FBXO16: variants seen among roughly 807,000 people sequenced by gnomAD.
FBXO16 encodes the protein F-box only protein 16.
In FBXO16, 31 loss-of-function variants were observed where a neutral mutation model predicts 41.0. The observed-to-expected ratio is 0.76, with a 90% CI of 0.57 to 1.02. The LOEUF is 1.02. FBXO16 is among the 50% of genes least tolerant of loss of function. The pLI, the probability that FBXO16 is intolerant of heterozygous loss-of-function variation, is 0.00. For synonymous variants in FBXO16, 133 were observed against 117.8 expected (o/e 1.13, Z -0.84); for missense variants, 361 against 346.2 (o/e 1.04, Z -0.34).
intron 2 of FBXO16, among the ~76,000 whole-genome samples, chr8:28,481,295 G>C (rs1456014424): frequency 6.6e-6 from 1 of 152,130 alleles, no homozygotes; most frequent in Non-Finnish European, 1.5e-5. Context: ...AAGCAGTTAG[G>C]GGGTGACTGC....
intron 4 of FBXO16, among the ~76,000 whole-genome samples, chr8:28,463,354 G>C (rs1803173530): frequency 6.7e-6 from 1 of 148,522 alleles, no homozygotes; most frequent in African/African-American, 2.5e-5. Context: ...ATTTGTGTTT[G>C]TGTATATGTG....
At chr8:28,430,318 A>G (rs1311030399) in intron 7 of FBXO16, among the ~76,000 whole-genome samples, 4 of 152,122 alleles carry the variant, frequency 2.6e-5, no homozygotes, top group Non-Finnish European at 4.4e-5. Flanking sequence ...AGCTCAAGCA[A>G]TCCTCCCGCT....
chr8:28,441,567 C>G (rs1358685204), intron 7 of FBXO16, among the ~76,000 whole-genome samples: 1 of 151,960 alleles, frequency 6.6e-6, no homozygotes, highest in Non-Finnish European at 1.5e-5. Flanking sequence ...GAAATCCTGT[C>G]TCTACTAAAA....
chr8:28,428,709 T>C lies in FBXO16; in HGVS notation c.*18A>G, dbSNP rs1224043522. 1 of 1,570,690 alleles carries C rather than the reference T, an allele frequency of 6.4e-7. No individual in the cohort carries two copies. The highest frequency in any genetic ancestry group is 8.6e-7 in the Non-Finnish European group (1 of 1,160,754). ...GGCCAGGCGAGATGAGCTGGAACTT[T>C]TAGGGGAGAGCTGGCACTTAGGGAC... On this transcript the variant is annotated 3_prime_UTR_variant, in exon 9 of 9. Transcript: ENST00000380254.
In FBXO16 at chr8:28,451,049, T is replaced by C. The variant is rs1802943296; in HGVS notation, c.740+1195A>G. Among the ~76,000 whole-genome samples, 4 of 152,212 alleles carry C rather than the reference T, an allele frequency of 2.6e-5. No individual in the cohort carries two copies. In the South Asian group the frequency reaches 8.3e-4, roughly 31 times the overall value. ...CATTCATCTTAGAAGTGAAAGGTAA[T>C]GTCCTTTACTAAGGGAAACATTTAA... On this transcript the variant is annotated intron_variant, in intron 6 of 8. Transcript: ENST00000380254.
chr8:28,474,715 T>G (rs1803396195), intron 2 of FBXO16, among the ~76,000 whole-genome samples: 1 of 152,228 alleles, frequency 6.6e-6, no homozygotes. Context: ...TTGGTATAGG[T>G]TTATTACAAT....
intron 7 of FBXO16, among the ~76,000 whole-genome samples, chr8:28,434,948 A>G (rs765465872): frequency 6.6e-6 from 1 of 152,204 alleles, no homozygotes; most frequent in Non-Finnish European, 1.5e-5. Flanking sequence ...TCAGTGTGCT[A>G]ATTAGCTCTT....
chr8:28,428,627 T>C lies in FBXO16; in HGVS notation c.*100A>G. ...GGGCCCAGGGTGCCTGTGAGGATGCTGCATGAGAATTTCAGCTGTGGTGGC... is the reference window on the plus strand; with the variant it reads ...GGGCCCAGGGTGCCTGTGAGGATGCCGCATGAGAATTTCAGCTGTGGTGGC... On this transcript the variant is annotated 3_prime_UTR_variant, in exon 9 of 9. Coordinates refer to ENST00000380254, the MANE Select transcript of FBXO16 (RefSeq NM_172366.4). 1 of 1,553,240 alleles carries C rather than the reference T, an allele frequency of 6.4e-7. No homozygotes were observed. Among genetic ancestry groups the C allele is most frequent in the Non-Finnish European group, 8.7e-7 (1 of 1,147,948 alleles).
rs192115723 is a variant in FBXO16, at chr8:28,453,744, C to T, written c.508-1268G>A. On this transcript the variant is annotated intron_variant, in intron 5 of 8. Transcript: ENST00000380254. The stretch of plus-strand genomic sequence containing the variant: ...TGTATACAATTCTATTACAGGATAA[C>T]GCTTAGTACTCAGTGTTGTAATTAT... 3.8e-4 allele frequency among the ~76,000 whole-genome samples: 57 copies of T among 151,994 alleles called. 2 individuals carry two copies. The highest frequency in any genetic ancestry group is 1.3e-3 in the African/African-American group (52 of 41,284).
chr8:28,451,945 C>T (rs1262667040), intron 6 of FBXO16, among the ~76,000 whole-genome samples: 1 of 148,420 alleles, frequency 6.7e-6, no homozygotes, highest in Non-Finnish European at 1.5e-5. Flanking sequence ...GATTGCACCA[C>T]TGCACTCCAG....
intron 1 of FBXO16, among the ~76,000 whole-genome samples, chr8:28,487,057 TGAG>T (rs1355066407): frequency 3.3e-5 from 5 of 152,050 alleles, no homozygotes; most frequent in Admixed American, 1.3e-4. Context: ...TCCTTCTGAA[TGAG>T]GAGAAGTAGC....
intron 4 of FBXO16, among the ~76,000 whole-genome samples, chr8:28,461,621 C>A (rs903530935): frequency 4.0e-5 from 6 of 151,138 alleles, no homozygotes; most frequent in African/African-American, 1.5e-4. Context: ...TAGCCCTTTG[C>A]ATGCAATCGA....
chr8:28,446,175 C>G (rs1250163729), intron 7 of FBXO16, among the ~76,000 whole-genome samples: 1 of 78,290 alleles, frequency 1.3e-5, no homozygotes, highest in Non-Finnish European at 2.5e-5. Flanking sequence ...ATGCATTTTT[C>G]CTTTTTTTTT....
chr8:28,432,387 T>C (rs1411045974), intron 7 of FBXO16, among the ~76,000 whole-genome samples: 37 of 151,796 alleles, frequency 2.4e-4, no homozygotes, highest in Admixed American at 2.4e-3. Context: ...GGCAGGAGAA[T>C]CGCTTGAACC....
At chr8:28,447,988 A>C (rs750501922) in intron 6 of FBXO16, among the ~76,000 whole-genome samples, 64 of 152,078 alleles carry the variant, frequency 4.2e-4, no homozygotes, top group Admixed American at 1.5e-3. Flanking sequence ...GGAAAGATTA[A>C]ACCATAAAAT....
chr8:28,482,869 G>A (rs146790758), intron 2 of FBXO16, among the ~76,000 whole-genome samples: 84 of 152,056 alleles, frequency 5.5e-4, no homozygotes, highest in African/African-American at 1.8e-3. Context: ...ATGAGCCACC[G>A]CACCCAGCCA....
At position 28,473,821 on chromosome 8, in the gene FBXO16, A is replaced by C; in HGVS notation, c.100-14T>G. ...TTCTTCAAATACCTACAGTAAGTAAAAAAGAATATGGTAATTTCATATACC... is the reference window on the plus strand; with the variant it reads ...TTCTTCAAATACCTACAGTAAGTAACAAAGAATATGGTAATTTCATATACC... On this transcript the variant is annotated splice_polypyrimidine_tract_variant and intron_variant, in intron 2 of 8. Transcript: ENST00000380254. 1 of 1,588,150 alleles carries C rather than the reference A, an allele frequency of 6.3e-7. No individual in the cohort carries two copies. Among genetic ancestry groups the C allele is most frequent in the Non-Finnish European group, 8.6e-7 (1 of 1,161,196 alleles).
chr8:28,441,275 C>G (rs566801527), intron 7 of FBXO16, among the ~76,000 whole-genome samples: 1 of 152,260 alleles, frequency 6.6e-6, no homozygotes, highest in Non-Finnish European at 1.5e-5. Context: ...ACAACAAATT[C>G]GTCCCCTAAT....
At chr8:28,435,008 G>T (rs1802666578) in intron 7 of FBXO16, among the ~76,000 whole-genome samples, 1 of 152,230 alleles carries the variant, frequency 6.6e-6, no homozygotes. Context: ...TAGCAGCTCA[G>T]TCGGCCCCTG....
Sources: allele counts gnomAD v4.1 joint callset (sites outside exome capture counted in the v4.1 genomes callset), GRCh38; gene constraint gnomAD v4.1.1; transcripts MANE v1.5; gene names NCBI Gene and HGNC (gene_info 2026-07-23, HGNC 2026-07-21).